The following ZFP90 variants were observed in gnomAD, a reference collection of about 807,000 sequenced individuals.
ZFP90 encodes the protein ZFP90 zinc finger protein.
ZFP90 carries 38 observed loss-of-function variants against 60.8 expected under a neutral mutation model. The ratio of observed to expected loss-of-function variants is 0.62; its 90% CI spans 0.48 to 0.82. ZFP90 has a LOEUF of 0.82. Among genes scored for constraint, ZFP90 ranks in the 40% least tolerant of loss-of-function variants. The pLI is 0.00. For synonymous variants in ZFP90, 287 were observed against 264.8 expected, an observed-to-expected ratio of 1.08 and a Z score of -0.82; for missense variants, 711 against 759.1, an observed-to-expected ratio of 0.94 and a Z score of 0.74.
chr16:68,558,072 G>A lies in ZFP90; in HGVS notation c.108G>A (p.Arg36=), dbSNP rs1415935605. Residue 36 remains arginine, a synonymous_variant, in exon 3 of 5, where the codon AGG becomes AGA. Transcript: ENST00000563169. ...EEWYHVDPAQ[R]SLYRDVMLEN... ...GGTACCATGTCGACCCTGCTCAGAGGAGCTTATACAGGGATGTGATGCTGG... is the reference window on the plus strand; with the variant it reads ...GGTACCATGTCGACCCTGCTCAGAGAAGCTTATACAGGGATGTGATGCTGG... 1 of 1,613,930 alleles carries A rather than the reference G, an allele frequency of 6.2e-7. No homozygotes were observed. Among genetic ancestry groups the A allele is most frequent in the Non-Finnish European group, 8.5e-7 (1 of 1,179,980 alleles).
intron 2 of ZFP90, chr16:68,575,713 G>A (rs570913134): frequency 5.5e-5 from 22 of 397,250 alleles, no homozygotes; most frequent in Admixed American, 1.3e-4. Context: ...TGGATTTACC[G>A]AGGATTTGTA....
intron 2 of ZFP90, among the ~76,000 whole-genome samples, chr16:68,551,912 C>T (rs753571604): frequency 2.0e-5 from 3 of 152,036 alleles, no homozygotes; most frequent in Non-Finnish European, 4.4e-5. Context: ...GCGCTCGCCA[C>T]CGTGCCCGGT....
In ZFP90 at chr16:68,549,809, G is replaced by A. The variant is rs553027911; in HGVS notation, c.34-8189G>A. Among the ~76,000 whole-genome samples, 13 of 152,258 alleles carry A rather than the reference G, an allele frequency of 8.5e-5. No individual in the cohort carries two copies. The South Asian group carries it at 2.3e-3, about 27-fold the overall frequency. ...GAGGATGTGGGGAAGCTTCAGGAGG[G>A]AATGGAACAGTGAACTGGTTCTACA... On this transcript the variant is annotated intron_variant, in intron 2 of 4. Transcript: ENST00000563169.
chr16:68,539,651 C>A, intron 1 of ZFP90, 107 bp from the exon 2 acceptor site: 2 of 904,050 alleles, frequency 2.2e-6, no homozygotes, highest in Non-Finnish European at 3.2e-6. Flanking sequence ...ACGGTCCTCG[C>A]CACCATCTCC....
At position 68,560,844 on chromosome 16, in the gene ZFP90, C is replaced by T. The variant is rs981953970; in HGVS notation, c.257-2200C>T. ...CTCCCAAAGTGCTGGGATTACAAGC[C>T]TGAGCCACCATGCCCAGCCACTGGA... is the stretch of plus-strand genomic sequence containing the variant. On this transcript the variant is annotated intron_variant, in intron 4 of 4. Coordinates refer to ENST00000563169, the MANE Select transcript of ZFP90 (RefSeq NM_001305203.2). Among the ~76,000 whole-genome samples the T allele has an allele frequency of 2.1e-5, 3 of 144,866 alleles. No homozygotes were observed. In the Admixed American group the frequency reaches 2.1e-4, roughly 10 times the overall value.
At chr16:68,536,482 A>G (rs2090961332), upstream of ZFP90, among the ~76,000 whole-genome samples, 1 of 151,856 alleles carries the variant, frequency 6.6e-6, no homozygotes. Flanking sequence ...TATTATTACT[A>G]TTGTAGAAAC....
chr16:68,539,343 A>T lies in ZFP90; in HGVS notation c.-172A>T. 1 of 185,232 alleles carries T rather than the reference A, an allele frequency of 5.4e-6. No homozygotes were observed. The highest frequency in any genetic ancestry group is 1.1e-5 in the Non-Finnish European group (1 of 90,254). The allele number at this position is 185,232 out of a possible 1,614,324, so 11.5% of individuals were successfully genotyped here. A position where few individuals can be genotyped will look rare whatever the true frequency, so the allele number is the denominator to read the frequency against. ...CCATTGTCCGACCCCGGTGCGGCTG[A>T]GGCCCCTTTGGGCAGCCCCTCCGCA... On this transcript the variant is annotated 5_prime_UTR_variant, in exon 1 of 5. Coordinates refer to ENST00000563169, the MANE Select transcript of ZFP90 (RefSeq NM_001305203.2).
intron 2 of ZFP90, among the ~76,000 whole-genome samples, chr16:68,574,791 G>C (rs1250239110): frequency 6.6e-6 from 1 of 152,024 alleles, no homozygotes; most frequent in Admixed American, 6.6e-5. Flanking sequence ...TGGCATGGTG[G>C]CTCACACCTG....
chr16:68,565,788 G>T lies in ZFP90; in HGVS notation c.*1090G>T. 1.0e-6 allele frequency: 1 copy of T among 985,418 alleles called. No homozygotes were observed. Among genetic ancestry groups the T allele is most frequent in the Middle Eastern group, 5.2e-4 (1 of 1,914 alleles). The allele number at this position is 985,418 out of a possible 1,614,324, so 61.0% of individuals were successfully genotyped here. A position where few individuals can be genotyped will look rare whatever the true frequency, so the allele number is the denominator to read the frequency against. ...TGCCTTGTACTCAGAGAAGCAACAT[G>T]CACTGGCTCATTTTATGTGCAAAGA... On this transcript the variant is annotated 3_prime_UTR_variant, in exon 5 of 5. Transcript: ENST00000563169.
downstream of ZFP90, among the ~76,000 whole-genome samples, chr16:68,570,192 T>A (rs916766760): frequency 1.3e-5 from 2 of 152,148 alleles, no homozygotes; most frequent in Non-Finnish European, 2.9e-5. Context: ...TTGTACCCAC[T>A]CCAATCAGGT....
intron 2 of ZFP90, 38 bp from the exon 3 acceptor site, chr16:68,557,960 G>A: frequency 6.2e-7 from 1 of 1,612,088 alleles, no homozygotes; most frequent in Non-Finnish European, 8.5e-7. Context: ...AACATTTGTG[G>A]GGTTGATCCC....
upstream of ZFP90, among the ~76,000 whole-genome samples, chr16:68,536,295 C>T (rs1161202372): frequency 6.6e-6 from 1 of 152,096 alleles, no homozygotes; most frequent in Non-Finnish European, 1.5e-5. Flanking sequence ...AAGGCTTACT[C>T]GTCTAAGGAA....
chr16:68,572,301 A>C (rs1194082246), intron 2 of ZFP90, among the ~76,000 whole-genome samples: 1 of 152,132 alleles, frequency 6.6e-6, no homozygotes, highest in Non-Finnish European at 1.5e-5. Context: ...TGTGAACAGG[A>C]AGTATTATTG....
chr16:68,541,487 ATT>A (rs2091048612), intron 2 of ZFP90, among the ~76,000 whole-genome samples: 1 of 151,048 alleles, frequency 6.6e-6, no homozygotes, highest in Admixed American at 6.6e-5. Context: ...TGCCCAGCTA[ATT>A]TTTGTATTTT....
At chr16:68,541,948 G>A (rs1256675442) in intron 2 of ZFP90, among the ~76,000 whole-genome samples, 1 of 152,182 alleles carries the variant, frequency 6.6e-6, no homozygotes, top group Non-Finnish European at 1.5e-5. Flanking sequence ...CATTCTCATT[G>A]AATGGCCTGA....
At chr16:68,546,853 T>C (rs2091159758) in intron 2 of ZFP90, among the ~76,000 whole-genome samples, 1 of 152,214 alleles carries the variant, frequency 6.6e-6, no homozygotes, top group African/African-American at 2.4e-5. Flanking sequence ...CTTATTTCAC[T>C]TATTATAATG....
At chr16:68,550,014 G>A (rs933896943) in intron 2 of ZFP90, among the ~76,000 whole-genome samples, 1 of 152,116 alleles carries the variant, frequency 6.6e-6, no homozygotes, top group Non-Finnish European at 1.5e-5. Context: ...GGCCTGAGGT[G>A]GAGACCTAGA....
At chr16:68,537,833 G>C (rs1349603891), upstream of ZFP90, among the ~76,000 whole-genome samples, 1 of 152,032 alleles carries the variant, frequency 6.6e-6, no homozygotes, top group Non-Finnish European at 1.5e-5. Flanking sequence ...CTATTGACGT[G>C]TTATTTCATT....
In ZFP90 at chr16:68,566,695, C is replaced by A; in HGVS notation, c.*1997C>A. The A allele has an allele frequency of 1.0e-6, 1 of 985,558 alleles. No individual in the cohort carries two copies. The highest frequency in any genetic ancestry group is 1.2e-6 in the Non-Finnish European group (1 of 829,944). 61.1% of individuals were successfully genotyped at this position (985,558 alleles called of 1,614,324 possible). On this transcript the variant is annotated 3_prime_UTR_variant, in exon 5 of 5. Transcript: ENST00000563169. ...AAGGCTGTGCTTCTATTATCTGATA[C>A]ATAGTTTGACAATGGGTAATTCTAC...
Sources: gnomAD v4.1 joint callset for allele counts (sites outside exome capture counted in the v4.1 genomes callset) on GRCh38, gnomAD v4.1.1 for gene constraint, MANE v1.5 for transcripts, NCBI Gene and HGNC (gene_info 2026-07-23, HGNC 2026-07-21) for gene names.